The following DDX47 variants were observed in gnomAD, a reference collection of about 807,000 sequenced individuals.
DDX47 encodes DEAD-box helicase 47, also known as probable ATP-dependent RNA helicase DDX47.
DDX47 carries 60 observed loss-of-function variants against 58.8 expected under a neutral mutation model. The ratio of observed to expected loss-of-function variants is 1.02; its 90% CI spans 0.83 to 1.26. The LOEUF (loss-of-function observed/expected upper bound fraction) is 1.26, where lower values mean the gene tolerates loss of function less well. Ranked by LOEUF, DDX47 falls within the 50% of genes most tolerant of loss-of-function variation. The pLI is 0.00. For missense variants in DDX47, 530 were observed against 573.2 expected (o/e 0.92, Z 0.77); for synonymous variants, 197 against 204.6 (o/e 0.96, Z 0.32).
chr12:12,818,349 G>T (rs1351478771), intron 2 of DDX47, among the ~76,000 whole-genome samples: 1 of 152,034 alleles, frequency 6.6e-6, no homozygotes, highest in African/African-American at 2.4e-5. Context: ...GTGAAACCCC[G>T]TCTCTACTAA....
At chr12:12,825,971 C>T (rs1027520290) in intron 9 of DDX47, 29 bp from the exon 10 acceptor site, 3 of 1,578,730 alleles carry the variant, frequency 1.9e-6, no homozygotes, top group South Asian at 1.2e-5. Context: ...ATCCATATAA[C>T]TTGAATTTAT....
At chr12:12,824,843 T>G in intron 9 of DDX47, 166 bp downstream of exon 9, 1 of 630,520 alleles carries the variant, frequency 1.6e-6, no homozygotes. Flanking sequence ...CACAGGCCTG[T>G]GTATGTAACA....
Position 12,814,141 on chromosome 12 carries a change from ATGTGT to A in DDX47, c.104_108del (p.Leu35Ter). On this transcript the variant is annotated frameshift_variant, in exon 2 of 12. Transcript: ENST00000358007. LOFTEE classifies it high-confidence loss of function. ...TTTCTGAATTCCAAGGGTGTGACAG[ATGTGT>A]TGTGTGAAGCTTGTGACCAGTTGGG... is the stretch of plus-strand genomic sequence containing the variant. 1.2e-6 allele frequency: 2 copies of A among 1,612,838 alleles called. No homozygotes were observed. Among genetic ancestry groups the A allele is most frequent in the Non-Finnish European group, 1.7e-6 (2 of 1,178,842 alleles).
chr12:12,823,774 C>T (rs1020093751), intron 7 of DDX47, 96 bp from the exon 8 acceptor site: 18 of 1,234,290 alleles, frequency 1.5e-5, no homozygotes, highest in African/African-American at 7.6e-5. Flanking sequence ...AATTGAAAAG[C>T]GACTATAGGC....
chr12:12,814,100 T>G (rs1192355844), intron 1 of DDX47, 31 bp from the exon 2 acceptor site: 6 of 1,459,804 alleles, frequency 4.1e-6, no homozygotes, highest in Non-Finnish European at 5.8e-6. Flanking sequence ...TGTGCTGTTC[T>G]TGGCTAAGGT....
At chr12:12,817,685 A>C (rs138398636) in intron 2 of DDX47, among the ~76,000 whole-genome samples, 1 of 152,206 alleles carries the variant, frequency 6.6e-6, no homozygotes, top group Non-Finnish European at 1.5e-5. Flanking sequence ...TTCTGCTCTT[A>C]TGGAGTTTAT....
At chr12:12,819,985 G>T (rs1416940295) in intron 2 of DDX47, among the ~76,000 whole-genome samples, 10 of 152,184 alleles carry the variant, frequency 6.6e-5, no homozygotes, top group African/African-American at 2.2e-4. Context: ...TCAGGGAAAA[G>T]AGATTTGTTT....
intron 9 of DDX47, 142 bp from the exon 10 acceptor site, chr12:12,825,858 A>G (rs1402226288): frequency 3.3e-6 from 2 of 599,838 alleles, no homozygotes; most frequent in East Asian, 3.1e-5. Context: ...TGTCTCAACA[A>G]ATTGCCCCGG....
chr12:12,822,798 C>T, intron 6 of DDX47, 66 bp downstream of exon 6: 1 of 1,363,064 alleles, frequency 7.3e-7, no homozygotes. Flanking sequence ...ATAGTAATAA[C>T]AATAAGGAAA....
At chr12:12,823,375 C>T in intron 7 of DDX47, 56 bp downstream of exon 7, 1 of 1,078,190 alleles carries the variant, frequency 9.3e-7, no homozygotes, top group Non-Finnish European at 1.4e-6. Flanking sequence ...ACCAAAGCAT[C>T]TGAAAATGTG....
At position 12,823,309 on chromosome 12, in the gene DDX47, C is replaced by A; in HGVS notation, c.740C>A (p.Ser247Tyr). The A allele has an allele frequency of 6.4e-7, 1 of 1,557,730 alleles. No homozygotes were observed. Among genetic ancestry groups the A allele is most frequent in the Non-Finnish European group, 8.9e-7 (1 of 1,128,730 alleles). ...CAGCAATATTATATTTTTATTCCCT[C>A]TAAATTCAAGGTAAAATGTTTACTT... ...KLQQYYIFIP[S>Y]KFKDTYLVYI... is the part of the protein sequence containing the mutation. The change falls in exon 7 of 12, where the codon TCT becomes TAT. Residue 247 changes from serine (S) to tyrosine (Y), a missense_variant. By Grantham distance (144) the Ser-to-Tyr change is moderately radical. Coordinates refer to ENST00000358007, the MANE Select transcript of DDX47 (RefSeq NM_016355.4).
intron 2 of DDX47, among the ~76,000 whole-genome samples, chr12:12,818,118 A>T (rs1476284629): frequency 6.6e-6 from 1 of 152,198 alleles, no homozygotes; most frequent in Admixed American, 6.5e-5. Context: ...TCAGATAGGT[A>T]GATGCTGTTG....
intron 4 of DDX47, 107 bp from the exon 5 acceptor site, chr12:12,821,858 G>A: frequency 8.6e-7 from 1 of 1,156,878 alleles, no homozygotes. Context: ...AGTTAAATTT[G>A]GTGGAGAGCT....
rs1863047880 is a variant in DDX47, at chr12:12,826,071, G to T, written c.1106+1G>T. ...GAAAGGCTATTACTTTTGTCACACA[G>T]TAAGTAAATCAGCTTTAGGGCCGAG... On this transcript the variant is annotated splice_donor_variant, in intron 10 of 11. Transcript: ENST00000358007. LOFTEE classifies it high-confidence loss of function. The T allele has an allele frequency of 6.2e-7, 1 of 1,613,184 alleles. No homozygotes were observed. The highest frequency in any genetic ancestry group is 1.7e-5 in the Admixed American group (1 of 59,908).
rs981379923 is a variant in DDX47 at position 12,826,152 on chromosome 12, C to T, written c.1106+82C>T. ...CCACTGGCTGAGAACCTGACACTAC[C>T]ATTTACTACACTAATCACTTTCATA... is the stretch of plus-strand genomic sequence containing the variant. On this transcript the variant is annotated intron_variant, in intron 10 of 11. Coordinates refer to ENST00000358007, the MANE Select transcript of DDX47 (RefSeq NM_016355.4). The T allele has an allele frequency of 5.4e-6, 6 of 1,103,556 alleles. No individual in the cohort carries two copies. In the African/African-American group the frequency reaches 9.4e-5, roughly 17 times the overall value. The allele number at this position is 1,103,556 out of a possible 1,614,324, so 68.4% of individuals were successfully genotyped here. A position where few individuals can be genotyped will look rare whatever the true frequency, so the allele number is the denominator to read the frequency against.
At chr12:12,827,876 CTTTTTTT>C (rs58725534) in intron 11 of DDX47, among the ~76,000 whole-genome samples, 3,649 of 132,788 alleles carry the variant, frequency 0.027, 172 homozygotes, top group African/African-American at 0.094. Context: ...TTTCTTTTTT[CTTTTTTT>C]TTTTTTTTTT....
rs192215538 is a variant in DDX47, at chr12:12,825,135, C to G, written c.1035+458C>G. 6.3e-3 allele frequency: 971 copies of G among 153,802 alleles called. 6 individuals are homozygous for G. Among genetic ancestry groups the G allele is most frequent in the Non-Finnish European group, 9.8e-3 (679 of 69,172 alleles). The allele number at this position is 153,802 out of a possible 1,614,324, so 9.5% of individuals were successfully genotyped here. ...GACTACAGGCGCCCACCACCACGCC[C>G]GGCTAGTATTTTTAGTAGAGATGGG... On this transcript the variant is annotated intron_variant, in intron 9 of 11. Transcript: ENST00000358007.
rs923616212 is a variant in DDX47, at chr12:12,826,040, G to A, written c.1076G>A (p.Arg359His). The change falls in exon 10 of 12, where the codon CGC becomes CAC. Residue 359 changes from arginine to histidine, a missense_variant. Transcript: ENST00000358007. ...HRVGRTARAG[R>H]SGKAITFVTQ... is the part of the protein sequence containing the mutation. The stretch of plus-strand genomic sequence containing the variant: ...GTAGGTCGAACAGCTAGAGCTGGGC[G>A]CTCCGGAAAGGCTATTACTTTTGTC... 22 of 1,613,492 alleles carry A rather than the reference G, an allele frequency of 1.4e-5. No homozygotes were observed. The East Asian group carries it at 2.5e-4, about 18-fold the overall frequency.
At chr12:12,827,869 CTTTTTTCTTT>C (rs1183486797) in intron 11 of DDX47, among the ~76,000 whole-genome samples, 1 of 109,692 alleles carries the variant, frequency 9.1e-6, no homozygotes, top group Non-Finnish European at 1.8e-5. Context: ...CAAAACTTTT[CTTTTTTCTTT>C]TTTTTTTTTT....
Sources: allele counts gnomAD v4.1 joint callset (sites outside exome capture counted in the v4.1 genomes callset), GRCh38; gene constraint gnomAD v4.1.1; transcripts MANE v1.5; gene names NCBI Gene and HGNC (gene_info 2026-07-23, HGNC 2026-07-21).